UBASH3B: variants seen among roughly 807,000 people sequenced by gnomAD.
UBASH3B encodes the protein ubiquitin-associated and SH3 domain-containing protein B.
A neutral mutation model predicts 83.4 loss-of-function variants in UBASH3B; 37 were observed. The ratio of observed to expected loss-of-function variants is 0.44; its 90% CI spans 0.34 to 0.58. UBASH3B has a LOEUF of 0.58. UBASH3B is among the 20% of genes least tolerant of loss of function. The pLI is 0.01. For synonymous variants in UBASH3B, 304 were observed against 318.3 expected (o/e 0.96, Z 0.48); for missense variants, 657 against 827.2 (o/e 0.79, Z 2.52).
chr11:122,781,515 C>T (rs549709650), intron 4 of UBASH3B, among the ~76,000 whole-genome samples: 15 of 152,322 alleles, frequency 9.8e-5, no homozygotes, highest in African/African-American at 3.1e-4. Flanking sequence ...CCCTGTGGGA[C>T]GCGGGTGGAG....
At chr11:122,670,849 G>A (rs1189039675) in intron 1 of UBASH3B, among the ~76,000 whole-genome samples, 5 of 151,906 alleles carry the variant, frequency 3.3e-5, no homozygotes, top group Admixed American at 2.0e-4. Flanking sequence ...TGCAATCTCC[G>A]CCTCCTAGGT....
In UBASH3B at chr11:122,777,247, T is replaced by C; in HGVS notation, c.402+37T>C. ...CGCCCCCACCCCTGGGAAGCCTGGC[T>C]CCTAGGATCCCAGCCGGCCCTTTGG... On this transcript the variant is annotated intron_variant, in intron 3 of 13. Transcript: ENST00000284273. The C allele has an allele frequency of 1.9e-6, 3 of 1,575,738 alleles. No individual in the cohort carries two copies. The Admixed American group carries it at 5.3e-5, about 28-fold the overall frequency.
chr11:122,698,406 G>A (rs914264633), intron 1 of UBASH3B, among the ~76,000 whole-genome samples: 1 of 152,114 alleles, frequency 6.6e-6, no homozygotes, highest in Non-Finnish European at 1.5e-5. Flanking sequence ...AACACTATGT[G>A]ACCATTTGAA....
At chr11:122,769,478 A>T (rs1183890801) in intron 1 of UBASH3B, among the ~76,000 whole-genome samples, 2 of 151,958 alleles carry the variant, frequency 1.3e-5, no homozygotes, top group Non-Finnish European at 2.9e-5. Flanking sequence ...ATTATGATAG[A>T]CTCCCTTATC....
At chr11:122,663,372 T>C (rs373848981) in intron 1 of UBASH3B, among the ~76,000 whole-genome samples, 2 of 152,160 alleles carry the variant, frequency 1.3e-5, no homozygotes, top group East Asian at 3.9e-4. Flanking sequence ...GTCTCAGACA[T>C]TGATAATTTA....
intron 1 of UBASH3B, among the ~76,000 whole-genome samples, chr11:122,684,606 TTTG>T (rs200121740): frequency 0.011 from 1,632 of 152,100 alleles, 22 homozygotes; most frequent in African/African-American, 0.037. Context: ...CAGGTTTGTG[TTTG>T]TTGTTGTTGT....
At position 122,814,397 on chromosome 11, in the gene UBASH3B, A is replaced by G. The variant is rs1478473426; in HGVS notation, c.*4511A>G. ...TTGATACAGCTATGGCACCATTGTA[A>G]TTACAGATGCACCTTTCAGGAGCAT... is the stretch of plus-strand genomic sequence containing the variant. On this transcript the variant is annotated 3_prime_UTR_variant, in exon 14 of 14. Coordinates refer to ENST00000284273, the MANE Select transcript of UBASH3B (RefSeq NM_032873.5). 6.6e-6 allele frequency: 1 copy of G among 152,642 alleles called. No homozygotes were observed. The highest frequency in any genetic ancestry group is 1.9e-4 in the East Asian group (1 of 5,194). The allele number at this position is 152,642 out of a possible 1,614,324, so 9.5% of individuals were successfully genotyped here.
intron 1 of UBASH3B, among the ~76,000 whole-genome samples, chr11:122,702,812 C>T (rs1219206368): frequency 6.6e-6 from 1 of 152,090 alleles, no homozygotes; most frequent in Non-Finnish European, 1.5e-5. Context: ...AGGCGTGAGC[C>T]ACCGTGCCTG....
At chr11:122,754,691 A>G (rs1861255446) in intron 1 of UBASH3B, among the ~76,000 whole-genome samples, 1 of 152,208 alleles carries the variant, frequency 6.6e-6, no homozygotes, top group Non-Finnish European at 1.5e-5. Context: ...TCAGCCACTC[A>G]TGGTGATCTA....
intron 1 of UBASH3B, among the ~76,000 whole-genome samples, chr11:122,703,101 G>C (rs989419758): frequency 1.5e-3 from 233 of 152,154 alleles, no homozygotes; most frequent in African/African-American, 5.3e-3. Context: ...TACTGAACAG[G>C]GTTGGTGGTG....
At chr11:122,800,096 G>C (rs1861225564) in intron 10 of UBASH3B, among the ~76,000 whole-genome samples, 3 of 152,190 alleles carry the variant, frequency 2.0e-5, no homozygotes, top group Admixed American at 1.3e-4. Flanking sequence ...GTAAAACAGA[G>C]GACTTCTACA....
chr11:122,731,576 G>A (rs1268659203), intron 1 of UBASH3B, among the ~76,000 whole-genome samples: 8 of 152,278 alleles, frequency 5.3e-5, no homozygotes, highest in African/African-American at 1.9e-4. Context: ...AAACAGTGTG[G>A]ATTCACTACT....
Position 122,671,014 on chromosome 11 carries a change from C to T in UBASH3B, c.161+14804C>T, listed in dbSNP as rs561680121. ...CTGACCAGAGGTGATCTGCCCACCT[C>T]GGCCTCCCAAAGTGCTGGGATTATA... On this transcript the variant is annotated intron_variant, in intron 1 of 13. Transcript: ENST00000284273. Among the ~76,000 whole-genome samples the T allele has an allele frequency of 4.6e-5, 7 of 152,132 alleles. No homozygotes were observed. The South Asian group carries it at 1.5e-3, about 32-fold the overall frequency.
At chr11:122,721,380 G>C (rs560048240) in intron 1 of UBASH3B, among the ~76,000 whole-genome samples, 3 of 152,140 alleles carry the variant, frequency 2.0e-5, no homozygotes, top group Non-Finnish European at 4.4e-5. Flanking sequence ...CTACGGGGGG[G>C]TGGGAGTGGG....
At chr11:122,671,764 G>A (rs1267999417) in intron 1 of UBASH3B, among the ~76,000 whole-genome samples, 1 of 152,188 alleles carries the variant, frequency 6.6e-6, no homozygotes, top group Admixed American at 6.5e-5. Flanking sequence ...CGGTGAGATG[G>A]CCTGCATTGT....
chr11:122,683,336 C>T (rs1471475745), intron 1 of UBASH3B, among the ~76,000 whole-genome samples: 1 of 151,500 alleles, frequency 6.6e-6, no homozygotes, highest in Non-Finnish European at 1.5e-5. Context: ...ACCACAGGGC[C>T]TGGCATGGTG....
intron 1 of UBASH3B, among the ~76,000 whole-genome samples, chr11:122,703,426 CAA>C (rs35573028): frequency 1.4e-5 from 2 of 139,432 alleles, no homozygotes; most frequent in Non-Finnish European, 1.6e-5. Flanking sequence ...GCCTCCGTCT[CAA>C]AAAAAAAAAA....
intron 1 of UBASH3B, among the ~76,000 whole-genome samples, chr11:122,710,564 C>T (rs1419231113): frequency 6.6e-6 from 1 of 152,258 alleles, no homozygotes; most frequent in Non-Finnish European, 1.5e-5. Context: ...ATCCATCCAT[C>T]TGGTCGTGGT....
At position 122,749,128 on chromosome 11, in the gene UBASH3B, G is replaced by A. The variant is rs1591797147; in HGVS notation, c.162-27091G>A. Among the ~76,000 whole-genome samples, 4 of 152,162 alleles carry A rather than the reference G, an allele frequency of 2.6e-5. No homozygotes were observed. The South Asian group carries it at 6.2e-4, about 24-fold the overall frequency. On this transcript the variant is annotated intron_variant, in intron 1 of 13. Transcript: ENST00000284273. ...AGGAAGAGCCTTCTGCTGACACATC[G>A]AAAGTACTCAGATCGGATCCCTTGT...
Sources: gnomAD v4.1 joint callset for allele counts (sites outside exome capture counted in the v4.1 genomes callset) on GRCh38, gnomAD v4.1.1 for gene constraint, MANE v1.5 for transcripts, NCBI Gene and HGNC (gene_info 2026-07-23, HGNC 2026-07-21) for gene names.